DOK6: variants seen among roughly 807,000 people sequenced by gnomAD.
DOK6 encodes downstream of tyrosine kinase 6.
Under a neutral mutation model 44.0 loss-of-function variants are expected in DOK6, and 22 were observed. The ratio of observed to expected loss-of-function variants is 0.50; its 90% CI spans 0.36 to 0.71. DOK6 has a LOEUF of 0.71. DOK6 is among the 30% of genes least tolerant of loss of function. The pLI, the probability that DOK6 is intolerant of heterozygous loss-of-function variation, is 0.00. For synonymous variants in DOK6, 166 were observed against 145.5 expected, an observed-to-expected ratio of 1.14 and a Z score of -1.01; for missense variants, 340 against 416.4, an observed-to-expected ratio of 0.82 and a Z score of 1.60.
At chr18:69,562,329 A>T (rs964734698) in intron 1 of DOK6, among the ~76,000 whole-genome samples, 1 of 152,054 alleles carries the variant, frequency 6.6e-6, no homozygotes, top group African/African-American at 2.4e-5. Context: ...GGTTTGTCAA[A>T]GATAGATAGT....
At chr18:69,618,363 C>A (rs1249496289) in intron 3 of DOK6, among the ~76,000 whole-genome samples, 1 of 152,158 alleles carries the variant, frequency 6.6e-6, no homozygotes, top group Non-Finnish European at 1.5e-5. Context: ...TGTATGAAGG[C>A]AAACAAGAAA....
intron 1 of DOK6, among the ~76,000 whole-genome samples, chr18:69,504,156 T>C (rs113368629): frequency 0.012 from 1,830 of 152,156 alleles, 38 homozygotes; most frequent in African/African-American, 0.042. Flanking sequence ...TCATTTTGTC[T>C]AGGCAGCTAG....
intron 1 of DOK6, among the ~76,000 whole-genome samples, chr18:69,557,548 G>A (rs1352166246): frequency 6.6e-6 from 1 of 152,118 alleles, no homozygotes; most frequent in East Asian, 1.9e-4. Flanking sequence ...GGATTAAGAA[G>A]GTATTTAATG....
intron 2 of DOK6, among the ~76,000 whole-genome samples, chr18:69,569,469 T>C (rs1279818666): frequency 6.6e-6 from 1 of 152,194 alleles, no homozygotes; most frequent in African/African-American, 2.4e-5. Flanking sequence ...AGGCTACACG[T>C]GACAATTACA....
chr18:69,430,346 C>T (rs1181175811), intron 1 of DOK6, among the ~76,000 whole-genome samples: 1 of 152,146 alleles, frequency 6.6e-6, no homozygotes, highest in African/African-American at 2.4e-5. Context: ...ATTTAAGGTA[C>T]AGGTTATTTC....
At chr18:69,530,500 C>A (rs896723305) in intron 1 of DOK6, among the ~76,000 whole-genome samples, 4 of 151,156 alleles carry the variant, frequency 2.6e-5, no homozygotes, top group Admixed American at 6.6e-5. Context: ...GTTGGAGAAC[C>A]AAGAAAGATG....
At chr18:69,707,420 G>A (rs559781650) in intron 5 of DOK6, among the ~76,000 whole-genome samples, 4 of 152,266 alleles carry the variant, frequency 2.6e-5, no homozygotes, top group Middle Eastern at 3.4e-3. Flanking sequence ...GAGCTTTACC[G>A]AATATCTCAC....
intron 1 of DOK6, among the ~76,000 whole-genome samples, chr18:69,507,231 GT>G (rs1273262113): frequency 1.3e-5 from 2 of 151,986 alleles, no homozygotes; most frequent in Non-Finnish European, 2.9e-5. Context: ...GTTTCACCGT[GT>G]TAGCCAGAAT....
intron 1 of DOK6, among the ~76,000 whole-genome samples, chr18:69,435,065 AGG>A (rs1375656255): frequency 5.0e-4 from 75 of 150,270 alleles, no homozygotes; most frequent in African/African-American, 1.4e-3. Context: ...GAAGGAAGGA[AGG>A]AAGGAAGGAA....
chr18:69,743,835 A>AC (rs1000991407), intron 6 of DOK6, among the ~76,000 whole-genome samples: 1 of 151,892 alleles, frequency 6.6e-6, no homozygotes, highest in East Asian at 1.9e-4. Context: ...AAAAAAAAAA[A>AC]ACAGCATTTA....
chr18:69,698,572 G>A lies in DOK6; in HGVS notation c.578G>A (p.Trp193Ter), dbSNP rs1986444769. ...AGGAGATACGGTCGGGACTCAACGT[G>A]GTTCACGTTTGAGTCAGGAAGGTAA... ...SLRRYGRDSTWFTFESGRMCD... is the reference protein window; with the variant it reads ...SLRRYGRDST The change falls in exon 5 of 8, where the codon TGG becomes TAG. Residue 193 changes from tryptophan to a stop codon, truncating the protein, a stop_gained. Transcript: ENST00000382713. LOFTEE classifies it high-confidence loss of function. The A allele has an allele frequency of 6.2e-7, 1 of 1,613,556 alleles. No homozygotes were observed. The highest frequency in any genetic ancestry group is 1.3e-5 in the African/African-American group (1 of 74,874).
intron 7 of DOK6, among the ~76,000 whole-genome samples, chr18:69,828,579 G>C (rs563823941): frequency 2.0e-5 from 3 of 151,642 alleles, no homozygotes; most frequent in Non-Finnish European, 4.4e-5. Context: ...TTATAAAATA[G>C]CTATGAAAAT....
At chr18:69,841,148 A>T (rs201180132) in intron 7 of DOK6, 96 bp from the exon 8 acceptor site, 2 of 1,481,380 alleles carry the variant, frequency 1.4e-6, no homozygotes, top group Non-Finnish European at 1.8e-6. Flanking sequence ...TGTTCTTAAA[A>T]ATATAGATAG....
At chr18:69,587,291 A>G (rs1006267632) in intron 2 of DOK6, among the ~76,000 whole-genome samples, 1 of 151,990 alleles carries the variant, frequency 6.6e-6, no homozygotes, top group Non-Finnish European at 1.5e-5. Flanking sequence ...CCTTGCTTGC[A>G]TTTTTCAGCA....
At chr18:69,401,621 G>C (rs1234235406) in intron 1 of DOK6, among the ~76,000 whole-genome samples, 2 of 152,176 alleles carry the variant, frequency 1.3e-5, no homozygotes, top group Non-Finnish European at 2.9e-5. Context: ...CTTGGAGGAG[G>C]TTTCTTTGCG....
intron 6 of DOK6, among the ~76,000 whole-genome samples, chr18:69,755,582 A>G (rs1307007008): frequency 6.6e-6 from 1 of 152,250 alleles, no homozygotes; most frequent in Non-Finnish European, 1.5e-5. Context: ...TAAAGACGAA[A>G]GTCCTATCTT....
intron 3 of DOK6, among the ~76,000 whole-genome samples, chr18:69,644,466 C>T (rs1001021923): frequency 2.1e-4 from 32 of 152,208 alleles, no homozygotes; most frequent in African/African-American, 7.5e-4. Flanking sequence ...CAAGATTATC[C>T]TGCCTATGGA....
intron 1 of DOK6, among the ~76,000 whole-genome samples, chr18:69,459,762 C>T (rs754113745): frequency 4.6e-5 from 7 of 152,074 alleles, no homozygotes; most frequent in African/African-American, 9.6e-5. Context: ...AAAAGAAATG[C>T]GAAAGCAATA....
chr18:69,600,612 A>G (rs1451783828), intron 3 of DOK6, among the ~76,000 whole-genome samples: 2 of 152,180 alleles, frequency 1.3e-5, no homozygotes, highest in East Asian at 3.8e-4. Context: ...CAGCTGTCTT[A>G]AAACTGGTAA....
Sources: gnomAD v4.1 joint callset for allele counts (sites outside exome capture counted in the v4.1 genomes callset) on GRCh38, gnomAD v4.1.1 for gene constraint, MANE v1.5 for transcripts, NCBI Gene and HGNC (gene_info 2026-07-23, HGNC 2026-07-21) for gene names.